TIAM1: variants seen among roughly 807,000 people sequenced by gnomAD.
TIAM1 encodes the protein rho guanine nucleotide exchange factor TIAM1.
In TIAM1, 65 loss-of-function variants were observed where a neutral mutation model predicts 163.5. That is an observed-to-expected ratio of 0.40 (90% CI 0.33 to 0.49). TIAM1 has a LOEUF of 0.49. Ranked by LOEUF, TIAM1 falls within the 20% of genes least tolerant of loss-of-function variation. The probability of loss-of-function intolerance (pLI) is 0.77; values close to 1 mark genes in which losing one functional copy is unlikely to be tolerated. For synonymous variants in TIAM1, 833 were observed against 810.1 expected (o/e 1.03, Z -0.48); for missense variants, 1,789 against 2,044.7 (o/e 0.87, Z 2.41).
At chr21:31,215,057 C>CATT (rs1201887846) in intron 9 of TIAM1, among the ~76,000 whole-genome samples, 1 of 152,126 alleles carries the variant, frequency 6.6e-6, no homozygotes, top group Non-Finnish European at 1.5e-5. Flanking sequence ...GTTTCTAAGA[C>CATT]ATTACATTGT....
intron 1 of TIAM1, among the ~76,000 whole-genome samples, chr21:31,549,988 G>T (rs2048627821): frequency 6.6e-6 from 1 of 152,134 alleles, no homozygotes; most frequent in African/African-American, 2.4e-5. Context: ...GCCAGGCATG[G>T]TGGCATGCAT....
chr21:31,440,506 C>T (rs908557933), intron 2 of TIAM1, among the ~76,000 whole-genome samples: 2 of 152,186 alleles, frequency 1.3e-5, no homozygotes, highest in African/African-American at 4.8e-5. Flanking sequence ...CAAGTTAATA[C>T]AGATGCTATC....
At chr21:31,359,978 A>T (rs1371095834) in intron 2 of TIAM1, among the ~76,000 whole-genome samples, 1 of 152,158 alleles carries the variant, frequency 6.6e-6, no homozygotes, top group African/African-American at 2.4e-5. Context: ...CAACCCATAG[A>T]TTCAAGAAGT....
At position 31,384,335 on chromosome 21, in the gene TIAM1, CAGA is replaced by C. The variant is rs940308970; in HGVS notation, c.-368-44916_-368-44914del. On this transcript the variant is annotated intron_variant, in intron 2 of 28. Coordinates refer to the TIAM1 transcript ENST00000286827. ...AAATGTTTTCCCTGGGAGGCCAAAG[CAGA>C]AGAACTGCTTGCAGCCAAGAGTTCA... 4.8e-4 allele frequency among the ~76,000 whole-genome samples: 67 copies of C among 138,236 alleles called. 1 individual carries two copies. Among genetic ancestry groups the C allele is most frequent in the African/African-American group, 1.7e-3 (61 of 36,096 alleles). 90.7% of individuals were successfully genotyped at this position (138,236 alleles called of 152,430 possible). A position where few individuals can be genotyped will look rare whatever the true frequency, so the allele number is the denominator to read the frequency against.
chr21:31,392,400 G>A (rs548813203), intron 2 of TIAM1, among the ~76,000 whole-genome samples: 50 of 151,810 alleles, frequency 3.3e-4, no homozygotes, highest in African/African-American at 1.1e-3. Flanking sequence ...ATGAAACCCC[G>A]TCTCTACTAA....
chr21:31,539,550 C>T (rs13051841), intron 1 of TIAM1, among the ~76,000 whole-genome samples: 20,604 of 152,092 alleles, frequency 0.14, 1,650 homozygotes, highest in Non-Finnish European at 0.17. Context: ...CAGGCGTGAG[C>T]CACCGCGCCC....
intron 10 of TIAM1, among the ~76,000 whole-genome samples, chr21:31,210,595 AGAGAAAGAAGGAAGGAAGGGAG>A (rs1569031440): frequency 2.0e-5 from 2 of 98,028 alleles, no homozygotes; most frequent in African/African-American, 1.3e-4. Flanking sequence ...AGAAAGAAAG[AGAGAAAGAAGGAAGGAAGGGAG>A]AAAGAAAGAA....
At chr21:31,439,205 C>G (rs1442069329) in intron 2 of TIAM1, among the ~76,000 whole-genome samples, 1 of 152,144 alleles carries the variant, frequency 6.6e-6, no homozygotes, top group Non-Finnish European at 1.5e-5. Flanking sequence ...CTAGACTTGG[C>G]CCCAAGAGAC....
In TIAM1 at chr21:31,132,243, C is replaced by A. The variant is rs549082965; in HGVS notation, c.3884-1295G>T. On this transcript the variant is annotated intron_variant, in intron 23 of 27. Coordinates refer to ENST00000541036, the MANE Select transcript of TIAM1 (RefSeq NM_001353694.2). ...TACGGAGGGCAGGTCGGTCTTGTCT[C>A]CTCTTTGTGTAAGATCATGCTAATC... 1.4e-4 allele frequency among the ~76,000 whole-genome samples: 22 copies of A among 152,310 alleles called. No homozygotes were observed. In the East Asian group the frequency reaches 2.7e-3, roughly 19 times the overall value.
intron 2 of TIAM1, among the ~76,000 whole-genome samples, chr21:31,297,041 C>T (rs1470828752): frequency 6.6e-6 from 1 of 152,166 alleles, no homozygotes; most frequent in East Asian, 1.9e-4. Flanking sequence ...ACTAACTCTT[C>T]AGGGCTGTTC....
intron 13 of TIAM1, among the ~76,000 whole-genome samples, chr21:31,194,211 C>G (rs1224728150): frequency 6.6e-6 from 1 of 152,000 alleles, no homozygotes; most frequent in Admixed American, 6.6e-5. Flanking sequence ...TGGCATGAGA[C>G]AACGAACCGT....
chr21:31,528,845 C>G (rs1730927802), intron 1 of TIAM1, among the ~76,000 whole-genome samples: 5 of 149,962 alleles, frequency 3.3e-5, no homozygotes. Context: ...AAAAAACTCT[C>G]AAGATTAAAA....
chr21:31,340,259 G>A (rs1193288678), intron 1 of TIAM1, among the ~76,000 whole-genome samples: 1 of 151,676 alleles, frequency 6.6e-6, no homozygotes, highest in Non-Finnish European at 1.5e-5. Flanking sequence ...CTTGTCAACT[G>A]AGAGACCCTA....
intron 2 of TIAM1, among the ~76,000 whole-genome samples, chr21:31,352,202 A>G (rs1384957957): frequency 6.6e-6 from 1 of 152,250 alleles, no homozygotes; most frequent in Non-Finnish European, 1.5e-5. Context: ...AGATGAATGA[A>G]TAAACAAAAT....
chr21:31,329,026 C>T (rs995642922), intron 2 of TIAM1, among the ~76,000 whole-genome samples: 24 of 152,058 alleles, frequency 1.6e-4, no homozygotes, highest in Non-Finnish European at 3.1e-4. Flanking sequence ...TTTAGGTATC[C>T]GGAGATGATT....
intron 1 of TIAM1, among the ~76,000 whole-genome samples, chr21:31,548,338 G>A (rs1601064104): frequency 6.6e-6 from 1 of 151,730 alleles, no homozygotes; most frequent in Non-Finnish European, 1.5e-5. Flanking sequence ...GACGGGTTTC[G>A]CCATGTTGGC....
chr21:31,128,022 C>T (rs1174085847), intron 25 of TIAM1, among the ~76,000 whole-genome samples: 3 of 152,140 alleles, frequency 2.0e-5, no homozygotes, highest in Non-Finnish European at 4.4e-5. Context: ...AATTTTGAAG[C>T]TCTGTAGTGC....
At chr21:31,410,698 G>A (rs1461242812) in intron 2 of TIAM1, among the ~76,000 whole-genome samples, 1 of 146,282 alleles carries the variant, frequency 6.8e-6, no homozygotes, top group Non-Finnish European at 1.5e-5. Context: ...GTGTGTGTGA[G>A]TGTGTATGTG....
At chr21:31,169,386 A>T (rs2084397291) in intron 15 of TIAM1, among the ~76,000 whole-genome samples, 1 of 152,164 alleles carries the variant, frequency 6.6e-6, no homozygotes, top group African/African-American at 2.4e-5. Context: ...TAGAAATAGA[A>T]ACTATAACCA....
Sources: gnomAD v4.1 joint callset for allele counts (sites outside exome capture counted in the v4.1 genomes callset) on GRCh38, gnomAD v4.1.1 for gene constraint, MANE v1.5 for transcripts, NCBI Gene and HGNC (gene_info 2026-07-23, HGNC 2026-07-21) for gene names.